NHERF1: variants seen among roughly 807,000 people sequenced by gnomAD.
NHERF1 encodes NHERF family PDZ scaffold protein 1.
At chr17:74,758,577 C>T in the NHERF1 span, among the ~76,000 whole-genome samples, 2 of 152,256 alleles carry the variant, frequency 1.3e-5, no homozygotes, top group East Asian at 1.9e-4. This position sits in a 1 kb window ranked among gnomAD's most constrained non-coding sequence, Gnocchi z 4.3. Context: ...AGGCTGTCGT[C>T]GTCACTGGAG....
the NHERF1 span, among the ~76,000 whole-genome samples, chr17:74,754,852 A>G: frequency 6.6e-6 from 1 of 152,254 alleles, no homozygotes; most frequent in East Asian, 1.9e-4. Flanking sequence ...GTAAGTGTTC[A>G]ATACATGATA....
At chr17:74,753,956 G>A in the NHERF1 span, among the ~76,000 whole-genome samples, 1 of 152,082 alleles carries the variant, frequency 6.6e-6, no homozygotes, top group South Asian at 2.1e-4. Flanking sequence ...TTGAGGTCAG[G>A]AGTTCAAGAC....
the NHERF1 span, among the ~76,000 whole-genome samples, chr17:74,757,278 C>T: frequency 3.3e-5 from 5 of 152,146 alleles, no homozygotes; most frequent in Non-Finnish European, 7.4e-5. Context: ...TACCAGACTC[C>T]AGGGAAAGCT....
At chr17:74,766,569 G>A in the NHERF1 span, among the ~76,000 whole-genome samples, 6 of 152,006 alleles carry the variant, frequency 3.9e-5, no homozygotes, top group East Asian at 1.2e-3. Context: ...TAGTAAGGGT[G>A]TTGCTTTGTG....
At chr17:74,754,800 C>A in the NHERF1 span, among the ~76,000 whole-genome samples, 1 of 152,192 alleles carries the variant, frequency 6.6e-6, no homozygotes, top group South Asian at 2.1e-4. Context: ...CATTGTCCCC[C>A]AGACAAATTA....
At chr17:74,763,454 G>C in the NHERF1 span, 4 of 1,613,606 alleles carry the variant, frequency 2.5e-6, no homozygotes, top group Middle Eastern at 1.6e-4. Flanking sequence ...GCTGCTGGTG[G>C]TGGACAGGGA....
At chr17:74,759,125 A>C in the NHERF1 span, among the ~76,000 whole-genome samples, 28 of 152,176 alleles carry the variant, frequency 1.8e-4, no homozygotes, top group Non-Finnish European at 2.8e-4. Context: ...GAGGCTCTGC[A>C]GGTGCATCGG....
the NHERF1 span, chr17:74,749,122 C>T: frequency 6.4e-6 from 10 of 1,572,786 alleles, no homozygotes; most frequent in African/African-American, 1.3e-4. The surrounding 1 kb of genome is among the most constrained non-coding windows in gnomAD (Gnocchi z 5.6). Context: ...TGGTGGTCGA[C>T]CCCGAGACGG....
the NHERF1 span, among the ~76,000 whole-genome samples, chr17:74,767,382 G>A: frequency 1.3e-5 from 2 of 152,166 alleles, no homozygotes; most frequent in Non-Finnish European, 2.9e-5. Flanking sequence ...GAAGGGAAAG[G>A]GGGTGAGGCC....
At chr17:74,748,666 C>T in the NHERF1 span, 385 of 593,330 alleles carry the variant, frequency 6.5e-4, 2 homozygotes, top group African/African-American at 6.3e-3. This position sits in a 1 kb window ranked among gnomAD's most constrained non-coding sequence, Gnocchi z 4.3. Flanking sequence ...GTGGTCCTCT[C>T]TCGGCTCCTC....
chr17:74,767,972 G>A, the NHERF1 span: 1 of 716,528 alleles, frequency 1.4e-6, no homozygotes, highest in South Asian at 1.4e-5. Context: ...GATCCCCAAA[G>A]GAATGTAAAA....
At chr17:74,761,608 G>A in the NHERF1 span, among the ~76,000 whole-genome samples, 2 of 152,138 alleles carry the variant, frequency 1.3e-5, no homozygotes, top group Non-Finnish European at 2.9e-5. The surrounding 1 kb of genome is among the most constrained non-coding windows in gnomAD (Gnocchi z 4.3). Flanking sequence ...CCAGGCTGAC[G>A]GGTGCCACAC....
At chr17:74,748,977 C>T in the NHERF1 span, 1 of 1,607,142 alleles carries the variant, frequency 6.2e-7, no homozygotes, top group Admixed American at 1.7e-5. The surrounding 1 kb of genome is among the most constrained non-coding windows in gnomAD (Gnocchi z 4.3). Flanking sequence ...CTGGTGGAGC[C>T]CGGCTCGCCG....
the NHERF1 span, chr17:74,768,583 A>C: frequency 6.2e-7 from 1 of 1,614,060 alleles, no homozygotes; most frequent in Admixed American, 1.7e-5. Context: ...GAGAGGGCCC[A>C]CCAGAAACGC....
chr17:74,766,740 G>T, the NHERF1 span, among the ~76,000 whole-genome samples: 1 of 152,002 alleles, frequency 6.6e-6, no homozygotes, highest in Non-Finnish European at 1.5e-5. Context: ...ACATGGCAAG[G>T]CCCCATCTCT....
chr17:74,768,906 G>A, the NHERF1 span: 2 of 531,732 alleles, frequency 3.8e-6, no homozygotes, highest in African/African-American at 1.9e-5. Flanking sequence ...CCTACCGGGT[G>A]TCCCTTTGCC....
the NHERF1 span, among the ~76,000 whole-genome samples, chr17:74,767,303 C>A: frequency 6.6e-6 from 1 of 151,310 alleles, no homozygotes; most frequent in Non-Finnish European, 1.5e-5. Context: ...TGGCCACGGG[C>A]AGCCGGGCCC....
chr17:74,754,371 A>ATTTC, the NHERF1 span, among the ~76,000 whole-genome samples: 899 of 128,000 alleles, frequency 7.0e-3, 11 homozygotes, highest in African/African-American at 0.02. Flanking sequence ...GTTGACATGC[A>ATTTC]TTTCTTTCTT....
the NHERF1 span, chr17:74,761,896 C>T: frequency 9.2e-7 from 1 of 1,086,782 alleles, no homozygotes; most frequent in Non-Finnish European, 1.4e-6. This position sits in a 1 kb window ranked among gnomAD's most constrained non-coding sequence, Gnocchi z 4.3. Flanking sequence ...GGGATCTAGG[C>T]AAATTTGCAT....
Sources: gnomAD v4.1 joint callset for allele counts (sites outside exome capture counted in the v4.1 genomes callset) on GRCh38, gnomAD v4.1.1 for gene constraint, Gnocchi (gnomAD v3.1) non-coding constraint, MANE v1.5 for transcripts, NCBI Gene and HGNC (gene_info 2026-07-23, HGNC 2026-07-21) for gene names.